Variants in BABAM2 observed in about 807,000 individuals in gnomAD.
BABAM2 encodes the protein BRISC and BRCA1-A complex member 2.
BABAM2 carries 31 observed loss-of-function variants against 54.7 expected under a neutral mutation model. The ratio of observed to expected loss-of-function variants is 0.57; its 90% CI spans 0.43 to 0.77. The LOEUF (loss-of-function observed/expected upper bound fraction) is 0.77. BABAM2 is among the 30% of genes least tolerant of loss of function. BABAM2 has a pLI of 0.00. For synonymous variants in BABAM2, 167 were observed against 162.9 expected, an observed-to-expected ratio of 1.03 and a Z score of -0.19; for missense variants, 364 against 455.8, an observed-to-expected ratio of 0.80 and a Z score of 1.83.
intron 3 of BABAM2, among the ~76,000 whole-genome samples, chr2:27,966,246 G>A (rs1573284327): frequency 6.6e-6 from 1 of 152,208 alleles, no homozygotes; most frequent in East Asian, 1.9e-4. Flanking sequence ...GAATACTTGT[G>A]TAAAGAGTTT....
chr2:28,159,945 C>A (rs1197500139), intron 7 of BABAM2, among the ~76,000 whole-genome samples: 1 of 151,314 alleles, frequency 6.6e-6, no homozygotes, highest in Non-Finnish European at 1.5e-5. Flanking sequence ...AAGGGTTTTA[C>A]ATCCTGAAAG....
At chr2:28,125,380 G>A (rs566618541) in intron 6 of BABAM2, among the ~76,000 whole-genome samples, 102 of 151,868 alleles carry the variant, frequency 6.7e-4, no homozygotes, top group African/African-American at 2.2e-3. Context: ...TGCAATCTCC[G>A]CCTCCCGGGT....
At chr2:28,327,328 T>C (rs1690559199) in intron 11 of BABAM2, 4 of 1,613,848 alleles carry the variant, frequency 2.5e-6, no homozygotes, top group Non-Finnish European at 3.4e-6. Flanking sequence ...TCCTGGCCTT[T>C]GCAGTTGCAA....
chr2:28,090,333 C>G (rs188693422), intron 6 of BABAM2, among the ~76,000 whole-genome samples: 243 of 152,320 alleles, frequency 1.6e-3, no homozygotes, highest in Non-Finnish European at 2.9e-3. Context: ...CAACCTCCCC[C>G]TCCTGGGTTC....
intron 3 of BABAM2, among the ~76,000 whole-genome samples, chr2:27,958,171 G>A (rs1016285809): frequency 2.0e-5 from 3 of 152,152 alleles, no homozygotes; most frequent in Non-Finnish European, 2.9e-5. Flanking sequence ...CAGAATCTAT[G>A]AGCATAAGAA....
intron 10 of BABAM2, among the ~76,000 whole-genome samples, chr2:28,282,741 T>C (rs1686469726): frequency 2.0e-5 from 3 of 152,094 alleles, no homozygotes; most frequent in African/African-American, 7.2e-5. Flanking sequence ...GGCTCATGCC[T>C]GTAATCCCAG....
At chr2:28,274,409 C>T (rs6711937) in intron 10 of BABAM2, among the ~76,000 whole-genome samples, 24,652 of 152,086 alleles carry the variant, frequency 0.16, 2,124 homozygotes, top group Non-Finnish European at 0.18. Flanking sequence ...TACTGAGGTC[C>T]AGGACTAAAT....
chr2:28,299,784 G>A (rs1687967630), intron 11 of BABAM2, among the ~76,000 whole-genome samples: 1 of 152,030 alleles, frequency 6.6e-6, no homozygotes. Context: ...TTCTTGATTA[G>A]CCATGACTAA....
chr2:28,240,856 G>A (rs1246458429), intron 8 of BABAM2, among the ~76,000 whole-genome samples: 1 of 136,876 alleles, frequency 7.3e-6, no homozygotes, highest in African/African-American at 2.8e-5. Context: ...GGCAACAAGA[G>A]CGAGACTCTG....
chr2:28,132,037 G>A (rs1348012317), intron 7 of BABAM2, among the ~76,000 whole-genome samples: 3 of 151,944 alleles, frequency 2.0e-5, no homozygotes, highest in Admixed American at 6.6e-5. Context: ...AAAATCTAAC[G>A]TGTGGGAAAT....
chr2:28,262,818 C>G (rs1684646141), intron 10 of BABAM2, among the ~76,000 whole-genome samples: 1 of 152,120 alleles, frequency 6.6e-6, no homozygotes, highest in South Asian at 2.1e-4. Context: ...TGTCCCCAGT[C>G]CAGATGATGC....
intron 7 of BABAM2, chr2:28,233,194 C>T (rs1426662193): frequency 4.5e-5 from 21 of 471,654 alleles, no homozygotes; most frequent in African/African-American, 1.0e-4. Context: ...GCTTCCTCCC[C>T]GCACCACTCT....
At chr2:28,205,031 A>G (rs1241644280) in intron 7 of BABAM2, among the ~76,000 whole-genome samples, 1 of 147,680 alleles carries the variant, frequency 6.8e-6, no homozygotes, top group African/African-American at 2.5e-5. Flanking sequence ...ATTCTTTTCT[A>G]TTTTTTTTTG....
At chr2:27,991,800 A>G (rs183427220) in intron 4 of BABAM2, among the ~76,000 whole-genome samples, 44 of 152,314 alleles carry the variant, frequency 2.9e-4, no homozygotes, top group Admixed American at 2.7e-3. Context: ...TGATAGACTT[A>G]CAGGTTGTTG....
chr2:27,945,204 A>T (rs1669209057), intron 3 of BABAM2, among the ~76,000 whole-genome samples: 1 of 151,448 alleles, frequency 6.6e-6, no homozygotes, highest in Admixed American at 6.6e-5. Context: ...TTTTTATTTT[A>T]TTTTTGTAGA....
chr2:28,106,219 T>C lies in BABAM2; in HGVS notation c.571-23052T>C, dbSNP rs534846994. On this transcript the variant is annotated intron_variant, in intron 6 of 11. Coordinates refer to ENST00000379624, the MANE Select transcript of BABAM2 (RefSeq NM_199191.3). ...ATCCAATTCTAAGATCCCATTCAAA[T>C]TTCACTTATATTGTCCCAATGATTT... Among the ~76,000 whole-genome samples the C allele has an allele frequency of 1.7e-4, 26 of 152,296 alleles. No homozygotes were observed. In the South Asian group the frequency reaches 5.4e-3, roughly 32 times the overall value.
chr2:28,000,878 G>A (rs1014741860), intron 4 of BABAM2, among the ~76,000 whole-genome samples: 7 of 152,048 alleles, frequency 4.6e-5, no homozygotes, highest in African/African-American at 1.7e-4. Flanking sequence ...CATTATAGAT[G>A]TTTTTATTTG....
chr2:28,224,983 G>T (rs1370049235), intron 7 of BABAM2, among the ~76,000 whole-genome samples: 2 of 151,920 alleles, frequency 1.3e-5, no homozygotes, highest in Admixed American at 6.6e-5. Flanking sequence ...TGATGAAGTT[G>T]CAAAAAAAGG....
chr2:27,914,064 G>A lies in BABAM2; in HGVS notation c.129-15768G>A, dbSNP rs76292081. Among the ~76,000 whole-genome samples the A allele has an allele frequency of 3.2e-3, 490 of 152,150 alleles. 1 individual carries two copies. Among genetic ancestry groups the A allele is most frequent in the African/African-American group, 0.011 (472 of 41,518 alleles). On this transcript the variant is annotated intron_variant, in intron 2 of 11. Transcript: ENST00000379624. ...TGTTAGCTTTAGTAGTCATATTAAA[G>A]TATAACATTGTTTTAATCTACACCA...
Sources: gnomAD v4.1 joint callset for allele counts (sites outside exome capture counted in the v4.1 genomes callset) on GRCh38, gnomAD v4.1.1 for gene constraint, MANE v1.5 for transcripts, NCBI Gene and HGNC (gene_info 2026-07-23, HGNC 2026-07-21) for gene names.